Variants in DDX10 observed in about 807,000 individuals in gnomAD.
DDX10 encodes the protein probable ATP-dependent RNA helicase DDX10.
A neutral mutation model predicts 104.3 loss-of-function variants in DDX10; 74 were observed. That is an observed-to-expected ratio of 0.71 (90% CI 0.59 to 0.86). DDX10 has a LOEUF of 0.86. Among genes scored for constraint, DDX10 ranks in the 40% least tolerant of loss-of-function variants. The pLI, the probability that DDX10 is intolerant of heterozygous loss-of-function variation, is 0.00. For missense variants in DDX10, 952 were observed against 1,040.0 expected, an observed-to-expected ratio of 0.92 and a Z score of 1.16; for synonymous variants, 351 against 353.4, an observed-to-expected ratio of 0.99 and a Z score of 0.08.
chr11:108,889,060 G>A (rs1410244170), intron 16 of DDX10, among the ~76,000 whole-genome samples: 1 of 152,140 alleles, frequency 6.6e-6, no homozygotes, highest in Non-Finnish European at 1.5e-5. Context: ...TTTAGTGAAA[G>A]TGCTTTGTAA....
chr11:108,674,825 T>G (rs953738110), intron 2 of DDX10, among the ~76,000 whole-genome samples: 1 of 152,190 alleles, frequency 6.6e-6, no homozygotes, highest in Non-Finnish European at 1.5e-5. Flanking sequence ...ACAATAGATC[T>G]CTTGAAGTTC....
intron 16 of DDX10, among the ~76,000 whole-genome samples, chr11:108,866,156 C>A (rs1257022789): frequency 1.3e-5 from 2 of 151,894 alleles, no homozygotes; most frequent in African/African-American, 2.4e-5. Flanking sequence ...TAGTTGGACT[C>A]TGGAGAGTGA....
At chr11:108,846,777 T>G (rs1862723900) in intron 15 of DDX10, among the ~76,000 whole-genome samples, 1 of 152,182 alleles carries the variant, frequency 6.6e-6, no homozygotes, top group African/African-American at 2.4e-5. Flanking sequence ...TTCAATTCCC[T>G]TATATATAAG....
intron 13 of DDX10, among the ~76,000 whole-genome samples, chr11:108,748,411 C>T (rs1205039028): frequency 1.3e-5 from 2 of 152,184 alleles, no homozygotes; most frequent in Non-Finnish European, 2.9e-5. Context: ...AAGATCTGGA[C>T]AACACTGTCA....
At chr11:108,887,453 T>C (rs1020557474) in intron 16 of DDX10, among the ~76,000 whole-genome samples, 1 of 151,814 alleles carries the variant, frequency 6.6e-6, no homozygotes, top group Admixed American at 6.6e-5. Flanking sequence ...TCTAGTTCTG[T>C]CATTTTTTTT....
In DDX10 at chr11:108,841,400, A is replaced by G. The variant is rs768956975; in HGVS notation, c.2171A>G (p.Lys724Arg). The change falls in exon 15 of 18, where the codon AAA (lysine) becomes AGA (arginine). Residue 724 changes from lysine (K) to arginine (R), a missense_variant. Transcript: ENST00000322536. ...DDDTGGINLH[K>R]AKERLQEEDK... Reference sequence around the variant, plus strand: ...GACACAGGTGGTATCAACTTACATAAAGCAAAGGAAAGACTTCAGGAAGAG... The same window carrying G: ...GACACAGGTGGTATCAACTTACATAGAGCAAAGGAAAGACTTCAGGAAGAG... 5.0e-6 allele frequency: 8 copies of G among 1,613,880 alleles called. No homozygotes were observed.
chr11:108,873,363 C>T (rs1249526221), intron 16 of DDX10, among the ~76,000 whole-genome samples: 2 of 152,126 alleles, frequency 1.3e-5, no homozygotes, highest in Non-Finnish European at 2.9e-5. Flanking sequence ...AAGTTACAAT[C>T]TATTCTCTTT....
intron 16 of DDX10, among the ~76,000 whole-genome samples, chr11:108,871,037 A>C (rs182024855): frequency 2.0e-5 from 3 of 152,334 alleles, no homozygotes; most frequent in Admixed American, 6.5e-5. Flanking sequence ...GTAAAACAAA[A>C]TAAAGAGGGG....
chr11:108,814,714 A>G (rs1284183723), intron 13 of DDX10, among the ~76,000 whole-genome samples: 1 of 152,218 alleles, frequency 6.6e-6, no homozygotes, highest in Non-Finnish European at 1.5e-5. Context: ...AAAAAGAAAA[A>G]TGATCCTTCG....
chr11:108,698,721 C>T (rs1427153401), intron 9 of DDX10, among the ~76,000 whole-genome samples: 3 of 152,194 alleles, frequency 2.0e-5, no homozygotes, highest in East Asian at 1.9e-4. Flanking sequence ...AAACATAAGT[C>T]GGATTATATC....
intron 13 of DDX10, among the ~76,000 whole-genome samples, chr11:108,808,739 C>T (rs1045912300): frequency 2.6e-5 from 4 of 151,602 alleles, no homozygotes; most frequent in South Asian, 2.1e-4. Flanking sequence ...CTCTCAGCAG[C>T]AAAGGATTTG....
At chr11:108,787,441 A>C (rs1426804926) in intron 13 of DDX10, among the ~76,000 whole-genome samples, 1 of 149,202 alleles carries the variant, frequency 6.7e-6, no homozygotes, top group East Asian at 2.1e-4. Flanking sequence ...ACATTTTCCA[A>C]GTTGCTTACA....
chr11:108,837,607 CTTTTTTT>C (rs142381520), intron 13 of DDX10, among the ~76,000 whole-genome samples: 283 of 34,626 alleles, frequency 8.2e-3, no homozygotes, highest in African/African-American at 0.027. Flanking sequence ...TTGGATACAG[CTTTTTTT>C]TTTTTTTTTT....
At chr11:108,831,961 A>G (rs1209948288) in intron 13 of DDX10, among the ~76,000 whole-genome samples, 2 of 152,116 alleles carry the variant, frequency 1.3e-5, no homozygotes, top group East Asian at 1.9e-4. Flanking sequence ...TTAGCTTTTT[A>G]AAGTCTAGCA....
intron 16 of DDX10, among the ~76,000 whole-genome samples, chr11:108,899,096 A>G (rs1238058285): frequency 6.6e-6 from 1 of 152,092 alleles, no homozygotes; most frequent in East Asian, 1.9e-4. Context: ...TCTCTGCGTT[A>G]TCTCTCAATC....
At chr11:108,740,943 C>T (rs1019906886) in intron 13 of DDX10, among the ~76,000 whole-genome samples, 2 of 152,108 alleles carry the variant, frequency 1.3e-5, no homozygotes, top group Non-Finnish European at 2.9e-5. Context: ...TCAGGTTTTA[C>T]ATTTAAGTCA....
At chr11:108,673,653 T>C in intron 2 of DDX10, 126 bp downstream of exon 2, 1 of 647,888 alleles carries the variant, frequency 1.5e-6, no homozygotes, top group Non-Finnish European at 2.7e-6. Flanking sequence ...TGAAAACCAA[T>C]GAAAATAAGC....
intron 16 of DDX10, among the ~76,000 whole-genome samples, chr11:108,910,771 G>GTC (rs1485986777): frequency 1.6e-4 from 13 of 82,696 alleles, no homozygotes; most frequent in Non-Finnish European, 3.3e-4. Flanking sequence ...GTGTGTGTGT[G>GTC]TGTGTGTGTG....
At position 108,675,742 on chromosome 11, in the gene DDX10, T is replaced by C. The variant is rs1471833042; in HGVS notation, c.378+16T>C. On this transcript the variant is annotated intron_variant, in intron 3 of 17. Coordinates refer to ENST00000322536, the MANE Select transcript of DDX10 (RefSeq NM_004398.4). ...TCTTGTTCCAGTAAGTACATTGTCA[T>C]TGGGTCAGACTGTCTGTTATACAAT... 3.1e-6 allele frequency: 5 copies of C among 1,613,732 alleles called. No individual in the cohort carries two copies. Among genetic ancestry groups the C allele is most frequent in the Middle Eastern group, 1.7e-4 (1 of 6,054 alleles).
Sources: gnomAD v4.1 joint callset for allele counts (sites outside exome capture counted in the v4.1 genomes callset) on GRCh38, gnomAD v4.1.1 for gene constraint, MANE v1.5 for transcripts, NCBI Gene and HGNC (gene_info 2026-07-23, HGNC 2026-07-21) for gene names.